Variants in TAOK1 observed in about 807,000 individuals in gnomAD.
The protein encoded by TAOK1 is TAO kinase 1, also known as serine/threonine-protein kinase TAO1.
Under a neutral mutation model 138.3 loss-of-function variants are expected in TAOK1, and 21 were observed. That is an observed-to-expected ratio of 0.15 (90% confidence interval 0.11 to 0.22). TAOK1 has a LOEUF of 0.22. Ranked by LOEUF, TAOK1 falls within the 10% of genes least tolerant of loss-of-function variation. The probability of loss-of-function intolerance (pLI) is 1.00; values close to 1 mark genes in which losing one functional copy is unlikely to be tolerated. For synonymous variants in TAOK1, 361 were observed against 398.4 expected, an observed-to-expected ratio of 0.91 and a Z score of 1.12; for missense variants, 651 against 1,227.7, an observed-to-expected ratio of 0.53 and a Z score of 7.02.
At chr17:29,466,793 TTGTC>T (rs773776249) in intron 2 of TAOK1, among the ~76,000 whole-genome samples, 53 of 109,380 alleles carry the variant, frequency 4.8e-4, no homozygotes, top group Non-Finnish European at 1.2e-3. Flanking sequence ...TCTTAAAAAG[TTGTC>T]TGTTTCATTG....
At position 29,515,189 on chromosome 17, in the gene TAOK1, G is replaced by A. The variant is rs183305743; in HGVS notation, c.1705-2264G>A. On this transcript the variant is annotated intron_variant, in intron 15 of 19. Transcript: ENST00000261716. ...CTGAAAATTAAATACCATTCATAAA[G>A]TATGTCTCTATTCTCCCATGGTTTT... Among the ~76,000 whole-genome samples, 8 of 152,124 alleles carry A rather than the reference G, an allele frequency of 5.3e-5. No individual in the cohort carries two copies. In the East Asian group the frequency reaches 1.5e-3, roughly 29 times the overall value.
Position 29,478,257 on chromosome 17 carries a change from A to G in TAOK1, c.359A>G (p.Lys120Arg), listed in dbSNP as rs779719738. 2.5e-6 allele frequency: 4 copies of G among 1,592,224 alleles called. No individual in the cohort carries two copies. Among genetic ancestry groups the G allele is most frequent in the Non-Finnish European group, 2.6e-6 (3 of 1,172,322 alleles). ...TTTTGAAATAAATTTTAAGTTCACA[A>G]AAAGCCATTACAAGAAGTGGAAATA... The part of the protein sequence containing the change: ...GSASDLLEVH[K>R]KPLQEVEIAA... The change falls in exon 6 of 20, where the codon AAA becomes AGA. Residue 120 changes from lysine to arginine, a missense_variant. Around this residue, in one of 8 missense-constraint regions of TAOK1, gnomAD observed 116 missense variants for 213.9 expected, o/e 0.54. Transcript: ENST00000261716.
At chr17:29,423,807 G>C (rs777252466) in intron 1 of TAOK1, among the ~76,000 whole-genome samples, 5 of 151,892 alleles carry the variant, frequency 3.3e-5, no homozygotes, top group Non-Finnish European at 5.9e-5. Flanking sequence ...CAGCACTTTG[G>C]GGGGCAGAAG....
At chr17:29,455,251 G>A (rs1260068550) in intron 2 of TAOK1, among the ~76,000 whole-genome samples, 2 of 150,294 alleles carry the variant, frequency 1.3e-5, no homozygotes, top group Admixed American at 1.3e-4. Context: ...AGTGTAAGTG[G>A]AATTACTTTC....
chr17:29,418,397 G>T (rs1335946658), intron 1 of TAOK1, among the ~76,000 whole-genome samples: 1 of 151,620 alleles, frequency 6.6e-6, no homozygotes, highest in African/African-American at 2.4e-5. Context: ...GTAGAAATAG[G>T]GTCTTGCATG....
chr17:29,498,214 TGA>T, intron 11 of TAOK1, 102 bp from the exon 12 acceptor site: 2 of 1,177,616 alleles, frequency 1.7e-6, no homozygotes, highest in East Asian at 2.5e-5. Flanking sequence ...ACCAACTTTC[TGA>T]GACTGTCTGC....
intron 19 of TAOK1, among the ~76,000 whole-genome samples, chr17:29,537,853 C>G (rs1463521316): frequency 2.0e-5 from 3 of 152,036 alleles, no homozygotes; most frequent in East Asian, 3.8e-4. Flanking sequence ...GCGGCTCACG[C>G]CTGTAATCCC....
chr17:29,536,978 G>A (rs1189339187), intron 19 of TAOK1, among the ~76,000 whole-genome samples: 3 of 152,116 alleles, frequency 2.0e-5, no homozygotes, highest in Non-Finnish European at 4.4e-5. Context: ...GGGATTACAG[G>A]CGTGAGCCAC....
intron 19 of TAOK1, among the ~76,000 whole-genome samples, chr17:29,537,421 C>A (rs1371705472): frequency 1.3e-5 from 2 of 151,966 alleles, no homozygotes; most frequent in Non-Finnish European, 2.9e-5. Flanking sequence ...ACAATCTCAG[C>A]TCACTGCGTT....
At chr17:29,476,818 A>G (rs1417995065) in intron 4 of TAOK1, among the ~76,000 whole-genome samples, 2 of 151,706 alleles carry the variant, frequency 1.3e-5, no homozygotes, top group African/African-American at 2.4e-5. Context: ...TTTTATTTTT[A>G]TTGTTATATT....
intron 10 of TAOK1, among the ~76,000 whole-genome samples, chr17:29,493,704 A>T (rs752179869): frequency 6.6e-6 from 1 of 152,142 alleles, no homozygotes; most frequent in Non-Finnish European, 1.5e-5. Context: ...AGTTATCATG[A>T]GCTTCTTATC....
chr17:29,411,088 G>GTTTTTTTTTTTTTTTTTT (rs71138814), intron 1 of TAOK1, among the ~76,000 whole-genome samples: 1 of 94,090 alleles, frequency 1.1e-5, no homozygotes, highest in Admixed American at 1.4e-4. Flanking sequence ...TCTTTTTACT[G>GTTTTTTTTTTTTTTTTTT]TTTTTTTTTT....
intron 1 of TAOK1, among the ~76,000 whole-genome samples, chr17:29,438,843 T>C (rs992097179): frequency 6.6e-6 from 1 of 152,228 alleles, no homozygotes; most frequent in African/African-American, 2.4e-5. Flanking sequence ...TGGACTTTAG[T>C]AATTATTTAG....
At chr17:29,446,872 G>A (rs2030093703) in intron 1 of TAOK1, among the ~76,000 whole-genome samples, 1 of 151,494 alleles carries the variant, frequency 6.6e-6, no homozygotes, top group Non-Finnish European at 1.5e-5. Context: ...CTGAGTAGCT[G>A]GGATTACAGG....
rs557851460 is a variant in TAOK1, at chr17:29,499,624, A to G, written c.1203+1103A>G. Among the ~76,000 whole-genome samples the G allele has an allele frequency of 4.1e-5, 6 of 148,140 alleles. No individual in the cohort carries two copies. The Admixed American group carries it at 4.1e-4, about 10-fold the overall frequency. ...GCCCAGTCTGGAGTGCAGTGGCGCA[A>G]TCTCGGCTCACTGCAACCTCTGCCT... On this transcript the variant is annotated intron_variant, in intron 12 of 19. Transcript: ENST00000261716.
chr17:29,423,586 C>T (rs1905529887), intron 1 of TAOK1, among the ~76,000 whole-genome samples: 1 of 151,926 alleles, frequency 6.6e-6, no homozygotes, highest in Non-Finnish European at 1.5e-5. Flanking sequence ...GAATATTTTC[C>T]AATTTCACTT....
chr17:29,505,697 C>T (rs188787968), intron 13 of TAOK1, among the ~76,000 whole-genome samples: 2 of 150,880 alleles, frequency 1.3e-5, no homozygotes, highest in Non-Finnish European at 2.9e-5. Context: ...AGCAAGACTT[C>T]GTCTCAAAAA....
chr17:29,410,619 G>GTTTTTTTTTTTTTTTTTT (rs61646352), intron 1 of TAOK1, among the ~76,000 whole-genome samples: 3 of 125,990 alleles, frequency 2.4e-5, no homozygotes, highest in Non-Finnish European at 3.3e-5. Flanking sequence ...AGGGTTTTTT[G>GTTTTTTTTTTTTTTTTTT]TTTTTTTTTT....
intron 19 of TAOK1, among the ~76,000 whole-genome samples, chr17:29,538,304 T>C (rs2032258928): frequency 6.6e-6 from 1 of 152,168 alleles, no homozygotes; most frequent in African/African-American, 2.4e-5. Context: ...TTGATTTTTT[T>C]CTCTGTTTCT....
Sources: allele counts gnomAD v4.1 joint callset (sites outside exome capture counted in the v4.1 genomes callset), GRCh38; gene constraint gnomAD v4.1.1; regional missense constraint gnomAD v4.1.1; transcripts MANE v1.5; gene names NCBI Gene and HGNC (gene_info 2026-07-23, HGNC 2026-07-21).